TRIM37: variants seen among roughly 807,000 people sequenced by gnomAD.
TRIM37 encodes the protein tripartite motif containing 37, also known as E3 ubiquitin-protein ligase TRIM37.
Under a neutral mutation model 129.8 loss-of-function variants are expected in TRIM37, and 80 were observed. That is an observed-to-expected ratio of 0.62 (90% CI 0.51 to 0.74). TRIM37 has a LOEUF of 0.74. TRIM37 is among the 30% of genes least tolerant of loss of function. The pLI is 0.00. For missense variants in TRIM37, 1,054 were observed against 1,176.5 expected (o/e 0.90, Z 1.52); for synonymous variants, 389 against 387.1 (o/e 1.00, Z -0.06).
chr17:59,018,041 A>C (rs937020356), intron 19 of TRIM37, among the ~76,000 whole-genome samples: 2 of 152,168 alleles, frequency 1.3e-5, no homozygotes, highest in African/African-American at 4.8e-5. Flanking sequence ...GAAATTATAA[A>C]GTATTATTGG....
At chr17:59,044,082 G>C (rs1412251013) in intron 16 of TRIM37, among the ~76,000 whole-genome samples, 1 of 152,130 alleles carries the variant, frequency 6.6e-6, no homozygotes, top group East Asian at 1.9e-4. Context: ...GACTTCTTGA[G>C]CCTAGGAGCT....
intron 19 of TRIM37, among the ~76,000 whole-genome samples, chr17:59,025,898 A>G (rs994361784): frequency 2.0e-5 from 3 of 152,148 alleles, no homozygotes; most frequent in Non-Finnish European, 4.4e-5. Context: ...ATCTTTTCAT[A>G]TTTTTATTGT....
intron 22 of TRIM37, among the ~76,000 whole-genome samples, chr17:59,002,086 A>G (rs2144546786): frequency 6.6e-6 from 1 of 152,298 alleles, no homozygotes; most frequent in South Asian, 2.1e-4. Context: ...CATTATAGAC[A>G]TAATTATATT....
At chr17:58,986,699 G>C (rs1567907988) in intron 24 of TRIM37, among the ~76,000 whole-genome samples, 1 of 151,904 alleles carries the variant, frequency 6.6e-6, no homozygotes, top group Non-Finnish European at 1.5e-5. Context: ...AGTAGAGACG[G>C]GGTTTTGCCA....
intron 2 of TRIM37, among the ~76,000 whole-genome samples, chr17:59,093,668 G>C (rs1181820594): frequency 1.3e-5 from 2 of 152,144 alleles, no homozygotes; most frequent in African/African-American, 2.4e-5. Context: ...TAACCAGATC[G>C]TATTTTAAAT....
At chr17:59,034,836 A>AC (rs2038284529) in intron 17 of TRIM37, among the ~76,000 whole-genome samples, 1 of 152,086 alleles carries the variant, frequency 6.6e-6, no homozygotes, top group Non-Finnish European at 1.5e-5. Context: ...TATTATCAGT[A>AC]CCCCAGAACC....
chr17:58,997,125 G>A (rs1217942010), downstream of TRIM37, among the ~76,000 whole-genome samples: 1 of 152,070 alleles, frequency 6.6e-6, no homozygotes, highest in Non-Finnish European at 1.5e-5. Flanking sequence ...AATAACTGGT[G>A]CGATCTGAAC....
intron 12 of TRIM37, among the ~76,000 whole-genome samples, chr17:59,060,051 C>A (rs531518361): frequency 6.6e-6 from 1 of 152,186 alleles, no homozygotes; most frequent in Non-Finnish European, 1.5e-5. Flanking sequence ...GAACCCATTA[C>A]GGATCTCTAG....
intron 17 of TRIM37, among the ~76,000 whole-genome samples, chr17:59,036,611 T>A (rs1022188749): frequency 6.6e-6 from 1 of 152,042 alleles, no homozygotes; most frequent in African/African-American, 2.4e-5. Flanking sequence ...GTCTCCCAAG[T>A]AGCCAGGACT....
At chr17:58,968,805 G>A in the TRIM37 span, among the ~76,000 whole-genome samples, 1 of 152,166 alleles carries the variant, frequency 6.6e-6, no homozygotes, top group Admixed American at 6.5e-5. Context: ...ACAAAGCACA[G>A]GGTTGGAAGA....
At chr17:59,038,598 T>A (rs1174300121) in intron 17 of TRIM37, among the ~76,000 whole-genome samples, 1 of 152,154 alleles carries the variant, frequency 6.6e-6, no homozygotes, top group Non-Finnish European at 1.5e-5. Context: ...ATTTGATGAA[T>A]ATATAATTCA....
chr17:59,090,119 T>G (rs2044158393), intron 3 of TRIM37: 1 of 151,760 alleles, frequency 6.6e-6, no homozygotes, highest in Non-Finnish European at 1.5e-5. Context: ...AAAAGAAAAG[T>G]GAATACAAAA....
downstream of TRIM37, chr17:58,979,922 C>A: frequency 7.0e-7 from 1 of 1,432,400 alleles, no homozygotes; most frequent in Non-Finnish European, 9.6e-7. Context: ...ACGTTCTTAG[C>A]ATGCAAGGTA....
intron 22 of TRIM37, among the ~76,000 whole-genome samples, chr17:59,008,720 A>C (rs1463696549): frequency 6.6e-6 from 1 of 152,192 alleles, no homozygotes; most frequent in African/African-American, 2.4e-5. Context: ...GCATACAGCA[A>C]GACCAAGTCT....
At chr17:59,023,570 G>C (rs935049798) in intron 19 of TRIM37, among the ~76,000 whole-genome samples, 1 of 151,960 alleles carries the variant, frequency 6.6e-6, no homozygotes, top group African/African-American at 2.4e-5. Context: ...CTGGAGAATA[G>C]CATGAACCCA....
chr17:59,045,348 A>G (rs2146005704), intron 16 of TRIM37, among the ~76,000 whole-genome samples: 1 of 151,704 alleles, frequency 6.6e-6, no homozygotes, highest in East Asian at 1.9e-4. Context: ...AAAAAGAAAA[A>G]AAAAATTACG....
Position 59,070,845 on chromosome 17 carries a change from G to C in TRIM37, c.787C>G (p.Pro263Ala), listed in dbSNP as rs756060552. ...RKPMASFVTT[P>A]VPPDFTSELV... Reference sequence around the variant, plus strand: ...TACCTGGTAAAGTCTGGTGGAACAGGAGTGGTAACAAAAGATGCCATGGGC... The same window carrying C: ...TACCTGGTAAAGTCTGGTGGAACAGCAGTGGTAACAAAAGATGCCATGGGC... The change falls in exon 9 of 24, where the codon CCT becomes GCT. Residue 263 changes from proline to alanine, a missense_variant. Physicochemically the swap from Pro to Ala is conservative, Grantham distance 27 (BLOSUM62 -1). Around this residue, in one of 3 missense-constraint regions of TRIM37, gnomAD observed 752 missense variants for 870.8 expected, o/e 0.86. Coordinates refer to ENST00000262294, the MANE Select transcript of TRIM37 (RefSeq NM_015294.6). 80 of 1,613,880 alleles carry C rather than the reference G, an allele frequency of 5.0e-5. No individual in the cohort carries two copies. The highest frequency in any genetic ancestry group is 6.8e-5 in the Non-Finnish European group (80 of 1,179,960).
At chr17:58,986,848 T>C (rs2031865341) in intron 24 of TRIM37, among the ~76,000 whole-genome samples, 1 of 152,182 alleles carries the variant, frequency 6.6e-6, no homozygotes, top group Non-Finnish European at 1.5e-5. Flanking sequence ...AAGAACACTT[T>C]TTCTATTGTG....
exon 25 of TRIM37, chr17:58,982,855 C>G: frequency 3.3e-6 from 5 of 1,514,942 alleles, no homozygotes; most frequent in Non-Finnish European, 4.5e-6. Context: ...TCACTCATAT[C>G]TGTCACCTTC....
Sources: allele counts gnomAD v4.1 joint callset (sites outside exome capture counted in the v4.1 genomes callset), GRCh38; gene constraint gnomAD v4.1.1; regional missense constraint gnomAD v4.1.1; transcripts MANE v1.5; gene names NCBI Gene and HGNC (gene_info 2026-07-23, HGNC 2026-07-21).